Variants in NRG3 observed in about 807,000 individuals in gnomAD.
The protein encoded by NRG3 is neuregulin 3, also known as pro-neuregulin-3, membrane-bound isoform.
A neutral mutation model predicts 66.9 loss-of-function variants in NRG3; 31 were observed. That is an observed-to-expected ratio of 0.46 (90% CI 0.35 to 0.63). The LOEUF (loss-of-function observed/expected upper bound fraction) is 0.63. Among genes scored for constraint, NRG3 ranks in the 20% least tolerant of loss-of-function variants. NRG3 has a pLI of 0.00. For missense variants in NRG3, 910 were observed against 878.9 expected (o/e 1.04, Z -0.45); for synonymous variants, 393 against 359.4 (o/e 1.09, Z -1.06).
At chr10:82,290,890 G>A (rs1328076137) in intron 1 of NRG3, among the ~76,000 whole-genome samples, 1 of 151,068 alleles carries the variant, frequency 6.6e-6, no homozygotes, top group Non-Finnish European at 1.5e-5. Flanking sequence ...TGATCTGCCC[G>A]CCTCGGCCTA....
chr10:82,011,575 C>T (rs886285766), intron 1 of NRG3, among the ~76,000 whole-genome samples: 1 of 152,264 alleles, frequency 6.6e-6, no homozygotes, highest in Admixed American at 6.5e-5. Flanking sequence ...AAGGTAAGTC[C>T]CTTCCACCTA....
chr10:82,951,387 C>T (rs1849500670), intron 4 of NRG3, 82 bp from the exon 5 acceptor site: 2 of 1,088,064 alleles, frequency 1.8e-6, no homozygotes, highest in East Asian at 2.4e-5. Context: ...AAGACTCCTA[C>T]CAGCTCAGAA....
chr10:82,729,404 C>A (rs2057778519), intron 2 of NRG3, among the ~76,000 whole-genome samples: 2 of 152,050 alleles, frequency 1.3e-5, no homozygotes, highest in African/African-American at 4.8e-5. Flanking sequence ...AAGGGGCCAC[C>A]ATATTACTGT....
intron 2 of NRG3, among the ~76,000 whole-genome samples, chr10:82,628,798 A>T (rs1002176477): frequency 6.6e-6 from 1 of 152,212 alleles, no homozygotes; most frequent in Non-Finnish European, 1.5e-5. Flanking sequence ...TTACCACTGT[A>T]TTCAATGACT....
chr10:81,938,146 T>C (rs951916979), intron 1 of NRG3, among the ~76,000 whole-genome samples: 1 of 152,168 alleles, frequency 6.6e-6, no homozygotes, highest in African/African-American at 2.4e-5. Context: ...CCTGGTAATA[T>C]GTTTTGAAAT....
At chr10:81,984,072 G>A (rs1375037827) in intron 1 of NRG3, among the ~76,000 whole-genome samples, 1 of 152,132 alleles carries the variant, frequency 6.6e-6, no homozygotes, top group Non-Finnish European at 1.5e-5. Context: ...CCCAAGCTAA[G>A]GAATATAGGC....
intron 3 of NRG3, among the ~76,000 whole-genome samples, chr10:82,802,040 T>C (rs1248401408): frequency 6.6e-6 from 1 of 152,234 alleles, no homozygotes; most frequent in Non-Finnish European, 1.5e-5. Flanking sequence ...ACCCATTTAA[T>C]TTGTTTCAAA....
At chr10:82,114,456 G>A (rs2067574613) in intron 1 of NRG3, among the ~76,000 whole-genome samples, 1 of 152,150 alleles carries the variant, frequency 6.6e-6, no homozygotes, top group South Asian at 2.1e-4. Flanking sequence ...ACCTCTGTGA[G>A]TCTCAGTTTA....
At chr10:82,213,189 C>G (rs558628509) in intron 1 of NRG3, among the ~76,000 whole-genome samples, 173 of 152,288 alleles carry the variant, frequency 1.1e-3, no homozygotes, top group African/African-American at 3.8e-3. Flanking sequence ...ATGCAGGGCA[C>G]AAGCACCCTC....
chr10:82,137,066 T>TG (rs1564598885), intron 1 of NRG3, among the ~76,000 whole-genome samples: 1 of 152,182 alleles, frequency 6.6e-6, no homozygotes, highest in Non-Finnish European at 1.5e-5. Context: ...CTTTCTTGTG[T>TG]GGATAGTTGT....
chr10:81,907,620 A>T lies in NRG3; in HGVS notation c.823+31457A>T, dbSNP rs149032284. Reference sequence around the variant, plus strand: ...ATCCCTAAAGGAGCTGATGTTATGGAAACTGAGATTTTTAATATTTTTAGC... The same window carrying T: ...ATCCCTAAAGGAGCTGATGTTATGGTAACTGAGATTTTTAATATTTTTAGC... On this transcript the variant is annotated intron_variant, in intron 1 of 8. Transcript: ENST00000372141. Among the ~76,000 whole-genome samples the T allele has an allele frequency of 1.8e-3, 268 of 152,330 alleles. 1 individual carries two copies. Among genetic ancestry groups the T allele is most frequent in the Admixed American group, 0.014 (220 of 15,302 alleles).
At chr10:82,731,097 T>G (rs2057876634) in intron 2 of NRG3, among the ~76,000 whole-genome samples, 1 of 152,188 alleles carries the variant, frequency 6.6e-6, no homozygotes, top group African/African-American at 2.4e-5. Context: ...CTGGGTGCGG[T>G]GGCTCACGTC....
chr10:82,820,515 T>C (rs1422992476), intron 3 of NRG3, among the ~76,000 whole-genome samples: 1 of 152,170 alleles, frequency 6.6e-6, no homozygotes, highest in East Asian at 1.9e-4. Context: ...GGCCCGGAAA[T>C]GATTATACTC....
chr10:82,366,767 T>C (rs866629427), intron 2 of NRG3, among the ~76,000 whole-genome samples: 52 of 152,306 alleles, frequency 3.4e-4, no homozygotes, highest in Middle Eastern at 6.8e-3. Flanking sequence ...GGAAAATATA[T>C]GATTCAAGAA....
At chr10:82,547,395 A>G (rs570240085) in intron 2 of NRG3, among the ~76,000 whole-genome samples, 3 of 151,184 alleles carry the variant, frequency 2.0e-5, no homozygotes, top group Non-Finnish European at 2.9e-5. Context: ...GTATATATGT[A>G]TATATATTCC....
chr10:82,497,857 A>ACGATAGAC (rs1409067683), intron 2 of NRG3, among the ~76,000 whole-genome samples: 1 of 152,080 alleles, frequency 6.6e-6, no homozygotes, highest in Non-Finnish European at 1.5e-5. Context: ...CTCCCCACCA[A>ACGATAGAC]CGATAGACAA....
At chr10:82,873,427 G>A (rs1388018953) in intron 4 of NRG3, among the ~76,000 whole-genome samples, 1 of 152,160 alleles carries the variant, frequency 6.6e-6, no homozygotes, top group African/African-American at 2.4e-5. Flanking sequence ...TAGATCAAGA[G>A]ATATAATTGA....
At chr10:82,385,292 T>C (rs2085905999) in intron 2 of NRG3, among the ~76,000 whole-genome samples, 1 of 152,188 alleles carries the variant, frequency 6.6e-6, no homozygotes, top group South Asian at 2.1e-4. Flanking sequence ...TGATAGCTTC[T>C]TTTGCTGTGC....
intron 1 of NRG3, among the ~76,000 whole-genome samples, chr10:82,333,073 G>A (rs1322366816): frequency 1.3e-5 from 2 of 152,156 alleles, no homozygotes; most frequent in Non-Finnish European, 2.9e-5. Flanking sequence ...CACAAAGAGG[G>A]TTTCAGTTTT....
Sources: gnomAD v4.1 joint callset for allele counts (sites outside exome capture counted in the v4.1 genomes callset) on GRCh38, gnomAD v4.1.1 for gene constraint, MANE v1.5 for transcripts, NCBI Gene and HGNC (gene_info 2026-07-23, HGNC 2026-07-21) for gene names.